AUH: variants seen among roughly 807,000 people sequenced by gnomAD.
AUH encodes methylglutaconyl-CoA hydratase, mitochondrial.
Under a neutral mutation model 42.3 loss-of-function variants are expected in AUH, and 29 were observed. That is an observed-to-expected ratio of 0.69 (90% confidence interval 0.51 to 0.93). The LOEUF is 0.93. AUH is among the 40% of genes least tolerant of loss of function. The pLI, the probability that AUH is intolerant of heterozygous loss-of-function variation, is 0.00. For missense variants in AUH, 452 were observed against 438.1 expected (o/e 1.03, Z -0.28); for synonymous variants, 174 against 166.4 (o/e 1.05, Z -0.35).
At chr9:91,346,753 A>G (rs1186868285) in intron 3 of AUH, among the ~76,000 whole-genome samples, 2 of 152,004 alleles carry the variant, frequency 1.3e-5, no homozygotes, top group African/African-American at 2.4e-5. Context: ...TTCAGATGCA[A>G]CTCACAAGTC....
intron 6 of AUH, among the ~76,000 whole-genome samples, chr9:91,266,522 C>T (rs1829987109): frequency 6.6e-6 from 1 of 152,154 alleles, no homozygotes; most frequent in Non-Finnish European, 1.5e-5. Context: ...TTTGTGGCCT[C>T]TACAATAATA....
intron 4 of AUH, among the ~76,000 whole-genome samples, chr9:91,299,417 A>T (rs1827609372): frequency 1.3e-5 from 2 of 152,210 alleles, no homozygotes; most frequent in Non-Finnish European, 2.9e-5. Context: ...AAGGCCAGGA[A>T]GGAGCACATA....
intron 4 of AUH, among the ~76,000 whole-genome samples, chr9:91,319,120 T>G (rs1374016389): frequency 6.6e-6 from 1 of 152,192 alleles, no homozygotes; most frequent in Non-Finnish European, 1.5e-5. Context: ...TAATACGTAT[T>G]GTTAAAACAC....
At chr9:91,278,838 G>A (rs1271581064) in intron 6 of AUH, among the ~76,000 whole-genome samples, 3 of 152,168 alleles carry the variant, frequency 2.0e-5, no homozygotes, top group East Asian at 3.8e-4. Flanking sequence ...TGAGCCCTTA[G>A]ACTGCCCAAC....
chr9:91,244,075 AAAAAC>A (rs1301103839), intron 6 of AUH, among the ~76,000 whole-genome samples: 9 of 152,218 alleles, frequency 5.9e-5, no homozygotes, highest in African/African-American at 2.2e-4. Context: ...ATATCTCAAG[AAAAAC>A]AAAACAAAAC....
chr9:91,361,900 T>C lies in AUH; in HGVS notation c.-11A>G. Reference sequence around the variant, plus strand: ...CACCGCGGCCGCCATGTTGTCTGTTTACGGCGTGGACCTGCGACGGCCGCT... The same window carrying C: ...CACCGCGGCCGCCATGTTGTCTGTTCACGGCGTGGACCTGCGACGGCCGCT... On this transcript the variant is annotated 5_prime_UTR_variant, in exon 1 of 10. Transcript: ENST00000375731. 6.9e-7 allele frequency: 1 copy of C among 1,447,248 alleles called. No homozygotes were observed. Among genetic ancestry groups the C allele is most frequent in the Non-Finnish European group, 9.0e-7 (1 of 1,105,032 alleles). The allele number at this position is 1,447,248 out of a possible 1,614,324, so 89.7% of individuals were successfully genotyped here.
chr9:91,277,302 A>G (rs759437709), intron 6 of AUH, among the ~76,000 whole-genome samples: 1 of 152,244 alleles, frequency 6.6e-6, no homozygotes, highest in Middle Eastern at 3.2e-3. Context: ...TACCACTACC[A>G]TGTACAGTTC....
chr9:91,218,651 A>T (rs1826960576), intron 7 of AUH: 1 of 985,420 alleles, frequency 1.0e-6, no homozygotes, highest in Admixed American at 6.1e-5. Flanking sequence ...ATGCTATTAG[A>T]AATAGTGCTT....
At chr9:91,254,329 G>C (rs1215675630) in intron 6 of AUH, among the ~76,000 whole-genome samples, 1 of 152,178 alleles carries the variant, frequency 6.6e-6, no homozygotes, top group Non-Finnish European at 1.5e-5. Context: ...GAACAAGAAG[G>C]CCTCTCCCAA....
chr9:91,286,093 TCA>T (rs1033152030), intron 6 of AUH, among the ~76,000 whole-genome samples: 1 of 152,160 alleles, frequency 6.6e-6, no homozygotes, highest in African/African-American at 2.4e-5. Flanking sequence ...AAATTTACCC[TCA>T]CAGGATAAAA....
intron 6 of AUH, among the ~76,000 whole-genome samples, chr9:91,265,997 G>A (rs1300840820): frequency 6.6e-6 from 1 of 151,882 alleles, no homozygotes; most frequent in African/African-American, 2.4e-5. Flanking sequence ...CTTAAAATGA[G>A]AAGGCAGATG....
chr9:91,338,671 T>A (rs1430125879), intron 3 of AUH, among the ~76,000 whole-genome samples: 1 of 152,252 alleles, frequency 6.6e-6, no homozygotes, highest in Non-Finnish European at 1.5e-5. Context: ...CCTCAGGTGA[T>A]CCACCCACCT....
intron 4 of AUH, among the ~76,000 whole-genome samples, chr9:91,318,058 C>T (rs987331961): frequency 3.9e-5 from 6 of 152,238 alleles, no homozygotes; most frequent in Admixed American, 1.3e-4. Flanking sequence ...TTGTTTCTCT[C>T]GGATTTAGGT....
intron 7 of AUH, among the ~76,000 whole-genome samples, chr9:91,219,878 G>C (rs1827033662): frequency 6.6e-6 from 1 of 152,176 alleles, no homozygotes; most frequent in South Asian, 2.1e-4. Flanking sequence ...CATGAATTTG[G>C]AATCTCATGG....
chr9:91,308,570 T>A (rs539991701), intron 4 of AUH, among the ~76,000 whole-genome samples: 1 of 152,232 alleles, frequency 6.6e-6, no homozygotes, highest in Admixed American at 6.5e-5. Context: ...ACACCATAAT[T>A]CGGCACTTCA....
rs545180563 is a variant in AUH, at chr9:91,280,204, CTTGA to C, written c.655+15813_655+15816del. 1.9e-3 allele frequency among the ~76,000 whole-genome samples: 283 copies of C among 152,248 alleles called. 3 individuals are homozygous for C. Among genetic ancestry groups the C allele is most frequent in the South Asian group, 0.011 (52 of 4,814 alleles). On this transcript the variant is annotated intron_variant, in intron 6 of 9. Transcript: ENST00000375731. The stretch of plus-strand genomic sequence containing the variant: ...TTATAGGCAGAACTAATTTAACTTC[CTTGA>C]TTAACTTTCTACATATTCTATTTAA...
chr9:91,336,622 A>G (rs943904514), intron 3 of AUH, among the ~76,000 whole-genome samples: 1 of 151,318 alleles, frequency 6.6e-6, no homozygotes, highest in African/African-American at 2.4e-5. Context: ...GTGACAGAGC[A>G]AGACTCGGTC....
intron 6 of AUH, among the ~76,000 whole-genome samples, chr9:91,268,110 A>T (rs1247168494): frequency 6.6e-6 from 1 of 152,234 alleles, no homozygotes; most frequent in Non-Finnish European, 1.5e-5. Context: ...CTCAAGGACC[A>T]ACAATCGTAA....
chr9:91,290,804 A>G (rs1001222111), intron 6 of AUH, among the ~76,000 whole-genome samples: 2 of 152,184 alleles, frequency 1.3e-5, no homozygotes, highest in African/African-American at 4.8e-5. Flanking sequence ...ATCAAGTCAC[A>G]GTAAATATCC....
Sources: allele counts gnomAD v4.1 joint callset (sites outside exome capture counted in the v4.1 genomes callset), GRCh38; gene constraint gnomAD v4.1.1; transcripts MANE v1.5; gene names NCBI Gene and HGNC (gene_info 2026-07-23, HGNC 2026-07-21).